The following WNT3 variants were observed in gnomAD, a reference collection of about 807,000 sequenced individuals.
WNT3 encodes proto-oncogene Wnt-3.
Under a neutral mutation model 34.2 loss-of-function variants are expected in WNT3, and 7 were observed. That is an observed-to-expected ratio of 0.20 (90% CI 0.12 to 0.38). The LOEUF (loss-of-function observed/expected upper bound fraction) is 0.38, where lower values mean the gene tolerates loss of function less well. Among genes scored for constraint, WNT3 ranks in the 10% least tolerant of loss-of-function variants. The probability of loss-of-function intolerance (pLI) is 1.00; values close to 1 mark genes in which losing one functional copy is unlikely to be tolerated. For synonymous variants in WNT3, 212 were observed against 211.5 expected, an observed-to-expected ratio of 1.00 and a Z score of -0.02; for missense variants, 267 against 499.8, an observed-to-expected ratio of 0.53 and a Z score of 4.44.
At chr17:46,810,878 G>A (rs748600875) in intron 1 of WNT3, among the ~76,000 whole-genome samples, 2 of 152,122 alleles carry the variant, frequency 1.3e-5, no homozygotes, top group Non-Finnish European at 2.9e-5. Context: ...CCAGGTCTCA[G>A]GTGCCCTAAC....
rs1160434370 is a variant in WNT3 at position 46,762,533 on chromosome 17, T to A, written c.*2097A>T. 2 of 151,832 alleles carry A rather than the reference T, an allele frequency of 1.3e-5. No homozygotes were observed. Among genetic ancestry groups the A allele is most frequent in the African/African-American group, 4.8e-5 (2 of 41,440 alleles). The allele number at this position is 151,832 out of a possible 1,614,324, so 9.4% of individuals were successfully genotyped here. On this transcript the variant is annotated 3_prime_UTR_variant, in exon 5 of 5. Coordinates refer to ENST00000225512, the MANE Select transcript of WNT3 (RefSeq NM_030753.5). ...TTAGGTTTGTTTACCTTCTCTTTAATGACTTAACAGAAAAAAACTGCATGA... is the reference window on the plus strand; with the variant it reads ...TTAGGTTTGTTTACCTTCTCTTTAAAGACTTAACAGAAAAAAACTGCATGA...
At chr17:46,764,961 A>C (rs2059300370) in intron 4 of WNT3, among the ~76,000 whole-genome samples, 1 of 152,172 alleles carries the variant, frequency 6.6e-6, no homozygotes, top group South Asian at 2.1e-4. Context: ...CCAGTCCCCA[A>C]CTCCAAGTCA....
chr17:46,813,897 C>G (rs1168839523), intron 1 of WNT3, among the ~76,000 whole-genome samples: 1 of 152,244 alleles, frequency 6.6e-6, no homozygotes, highest in Non-Finnish European at 1.5e-5. Flanking sequence ...ACCCAGAGCC[C>G]TCGCTGTCTG....
chr17:46,769,553 C>T (rs951785731), intron 3 of WNT3, among the ~76,000 whole-genome samples: 3 of 152,138 alleles, frequency 2.0e-5, no homozygotes, highest in Non-Finnish European at 4.4e-5. Context: ...TGGCCATGCT[C>T]CCAGGCCGAC....
rs56965619 is a variant in WNT3 at position 46,779,053 on chromosome 17, T to TCACACACACACACACACACACA, written c.81-5166_81-5145dup. ...CAGTTATTCCCCGGTCCCTACCCCA[T>TCACACACACACACACACACACA]CACACACACACACACACACACACAC... On this transcript the variant is annotated intron_variant, in intron 1 of 4. Coordinates refer to ENST00000225512, the MANE Select transcript of WNT3 (RefSeq NM_030753.5). Among the ~76,000 whole-genome samples the TCACACACACACACACACACACA allele has an allele frequency of 4.7e-3, 477 of 100,618 alleles. 9 individuals carry two copies. The highest frequency in any genetic ancestry group is 5.5e-3 in the Admixed American group (46 of 8,382). The allele number at this position is 100,618 out of a possible 152,430, so 66.0% of individuals were successfully genotyped here.
chr17:46,787,034 C>T (rs2059512219), intron 1 of WNT3, among the ~76,000 whole-genome samples: 2 of 151,764 alleles, frequency 1.3e-5, no homozygotes, highest in South Asian at 2.1e-4. Flanking sequence ...AACTACTTGG[C>T]TCAACCAGTC....
intron 1 of WNT3, among the ~76,000 whole-genome samples, chr17:46,794,382 G>T (rs1037971947): frequency 1.3e-5 from 2 of 152,178 alleles, no homozygotes; most frequent in African/African-American, 4.8e-5. Context: ...GGCCCTATAT[G>T]CAGGCTGGAT....
intron 1 of WNT3, among the ~76,000 whole-genome samples, chr17:46,803,731 C>T (rs1284322363): frequency 6.6e-6 from 1 of 152,228 alleles, no homozygotes; most frequent in Non-Finnish European, 1.5e-5. Flanking sequence ...GCTCCAGCCA[C>T]AGCCCTTGCA....
chr17:46,798,425 G>A (rs994081607), intron 1 of WNT3, among the ~76,000 whole-genome samples: 10 of 152,280 alleles, frequency 6.6e-5, no homozygotes, highest in East Asian at 1.9e-4. Flanking sequence ...TTGTTCTCTT[G>A]TATATGTCAA....
rs537062799 is a variant in WNT3, at chr17:46,798,073, C to T, written c.80+20445G>A. On this transcript the variant is annotated intron_variant, in intron 1 of 4. Transcript: ENST00000225512. ...CCTCCCGAGTAGCTAGGACCACAGG[C>T]GTGTGCTAACACACCCAGCTAATTT... 4.4e-4 allele frequency among the ~76,000 whole-genome samples: 67 copies of T among 152,214 alleles called. No homozygotes were observed. The Middle Eastern group carries it at 0.01, about 23-fold the overall frequency.
intron 1 of WNT3, among the ~76,000 whole-genome samples, chr17:46,785,973 GCCTGAAAAATGTTGAAA>G (rs982826816): frequency 2.6e-5 from 4 of 152,218 alleles, no homozygotes; most frequent in African/African-American, 9.6e-5. Context: ...TGACAAGACC[GCCTGAAAAATGTTGAAA>G]CCTGTAAAAT....
At chr17:46,812,234 C>A (rs1257325026) in intron 1 of WNT3, among the ~76,000 whole-genome samples, 1 of 152,166 alleles carries the variant, frequency 6.6e-6, no homozygotes, top group African/African-American at 2.4e-5. Context: ...AAAGAAGGAC[C>A]CTGCTTAGAG....
At chr17:46,783,637 C>T (rs199504) in intron 1 of WNT3, among the ~76,000 whole-genome samples, 125,926 of 152,186 alleles carry the variant, frequency 0.83, 52,361 homozygotes, top group East Asian at 1. Context: ...AGAGGGTGCA[C>T]GGTCAGGGCG....
chr17:46,771,078 A>C (rs1295950582), intron 2 of WNT3, among the ~76,000 whole-genome samples: 1 of 152,132 alleles, frequency 6.6e-6, no homozygotes, highest in Admixed American at 6.5e-5. Flanking sequence ...CTGTGGGCCG[A>C]GTGCTGCAAG....
intron 1 of WNT3, among the ~76,000 whole-genome samples, chr17:46,787,921 A>G (rs911831258): frequency 1.3e-5 from 2 of 148,454 alleles, no homozygotes; most frequent in Admixed American, 6.9e-5. Flanking sequence ...GTGCCACTGC[A>G]CTCCAGCCTG....
chr17:46,810,740 G>A (rs1465046147), intron 1 of WNT3, among the ~76,000 whole-genome samples: 3 of 152,016 alleles, frequency 2.0e-5, no homozygotes, highest in East Asian at 1.9e-4. Flanking sequence ...TGACCTGAAC[G>A]CGGAATACAG....
chr17:46,790,680 C>G (rs548855039), intron 1 of WNT3, among the ~76,000 whole-genome samples: 2 of 152,310 alleles, frequency 1.3e-5, no homozygotes, highest in African/African-American at 4.8e-5. Flanking sequence ...AGCCCTCCCC[C>G]ATCATCTCTC....
intron 4 of WNT3, among the ~76,000 whole-genome samples, chr17:46,767,599 G>A (rs1053917136): frequency 6.6e-6 from 1 of 152,296 alleles, no homozygotes; most frequent in East Asian, 1.9e-4. Context: ...AGAACAGGAA[G>A]TTACTGACAA....
At chr17:46,777,250 A>G (rs952366590) in intron 1 of WNT3, among the ~76,000 whole-genome samples, 1 of 152,154 alleles carries the variant, frequency 6.6e-6, no homozygotes, top group Non-Finnish European at 1.5e-5. Context: ...GCCGTGAAAG[A>G]GGACCAACTT....
Sources: gnomAD v4.1 joint callset for allele counts (sites outside exome capture counted in the v4.1 genomes callset) on GRCh38, gnomAD v4.1.1 for gene constraint, MANE v1.5 for transcripts, NCBI Gene and HGNC (gene_info 2026-07-23, HGNC 2026-07-21) for gene names.